Variants in GLT1D1 observed in about 807,000 individuals in gnomAD.
GLT1D1 encodes the protein glycosyltransferase 1 domain-containing protein 1.
GLT1D1 carries 21 observed loss-of-function variants against 28.7 expected under a neutral mutation model. That is an observed-to-expected ratio of 0.73 (90% CI 0.52 to 1.05). GLT1D1 has a LOEUF of 1.05. Among genes scored for constraint, GLT1D1 ranks in the 50% least tolerant of loss-of-function variants. GLT1D1 has a pLI of 0.00. For missense variants in GLT1D1, 343 were observed against 330.6 expected (o/e 1.04, Z -0.29); for synonymous variants, 147 against 124.8 (o/e 1.18, Z -1.19).
At chr12:128,944,515 G>T (rs377392784) in intron 4 of GLT1D1, 2 of 960,480 alleles carry the variant, frequency 2.1e-6, no homozygotes, top group African/African-American at 3.3e-5. Context: ...GCCCACAGTT[G>T]TGGGAGGGTT....
intron 6 of GLT1D1, among the ~76,000 whole-genome samples, chr12:128,956,853 C>G (rs1424319518): frequency 6.6e-6 from 1 of 152,170 alleles, no homozygotes; most frequent in Non-Finnish European, 1.5e-5. Flanking sequence ...TCAGTGGGAT[C>G]CCCTTGAAGT....
chr12:128,892,193 T>G (rs1869137949), intron 3 of GLT1D1, among the ~76,000 whole-genome samples: 2 of 152,216 alleles, frequency 1.3e-5, no homozygotes, highest in African/African-American at 4.8e-5. Context: ...AGGTTTGCCC[T>G]TAGCAGTTCC....
Position 128,881,435 on chromosome 12 carries a change from G to A in GLT1D1, c.217+5373G>A, listed in dbSNP as rs556518996. On this transcript the variant is annotated intron_variant, in intron 2 of 7. Transcript: ENST00000281703. ...TGTAATCCCAGCTACTTGGGAGGCCGAGGCAGGAGAATCTCTTGAACCCAG... is the reference window on the plus strand; with the variant it reads ...TGTAATCCCAGCTACTTGGGAGGCCAAGGCAGGAGAATCTCTTGAACCCAG... Among the ~76,000 whole-genome samples the A allele has an allele frequency of 3.6e-4, 52 of 144,634 alleles. 1 individual carries two copies. The highest frequency in any genetic ancestry group is 3.5e-4 in the Admixed American group (5 of 14,178). The allele number at this position is 144,634 out of a possible 152,430, so 94.9% of individuals were successfully genotyped here. A position where few individuals can be genotyped will look rare whatever the true frequency, so the allele number is the denominator to read the frequency against.
At chr12:128,942,948 C>T (rs369080305) in intron 4 of GLT1D1, among the ~76,000 whole-genome samples, 9 of 151,996 alleles carry the variant, frequency 5.9e-5, no homozygotes, top group African/African-American at 1.7e-4. Flanking sequence ...GGGGTTTCAC[C>T]ATGTTGGCCA....
At position 128,909,212 on chromosome 12, in the gene GLT1D1, TA is replaced by T. The variant is rs201302679; in HGVS notation, c.375+9932del. On this transcript the variant is annotated intron_variant, in intron 4 of 7. Coordinates refer to ENST00000281703, the MANE Select transcript of GLT1D1 (RefSeq NM_144669.3). ...GAAAAATGATTAAAGTACTTCCTAG[TA>T]AAAAAAGAAAAGAAAAGAAAAGAAA... Among the ~76,000 whole-genome samples the T allele has an allele frequency of 6.2e-3, 913 of 146,638 alleles. 11 individuals carry two copies. The highest frequency in any genetic ancestry group is 0.021 in the African/African-American group (861 of 40,300).
At chr12:128,967,546 T>G (rs1018317600) in intron 7 of GLT1D1, among the ~76,000 whole-genome samples, 2 of 152,174 alleles carry the variant, frequency 1.3e-5, no homozygotes, top group Middle Eastern at 6.3e-3. Context: ...CTGCCAATAC[T>G]CAACCGCGTT....
At chr12:128,935,353 C>T (rs1351539125) in intron 4 of GLT1D1, among the ~76,000 whole-genome samples, 1 of 151,982 alleles carries the variant, frequency 6.6e-6, no homozygotes, top group Non-Finnish European at 1.5e-5. Flanking sequence ...ACCAGGCTGG[C>T]CAACATGGTG....
At chr12:128,922,693 C>A (rs1289798112) in intron 4 of GLT1D1, among the ~76,000 whole-genome samples, 1 of 152,016 alleles carries the variant, frequency 6.6e-6, no homozygotes, top group African/African-American at 2.4e-5. Context: ...GAGGATGAAG[C>A]CAGTGGATCA....
chr12:128,857,406 G>C (rs1956248978), intron 1 of GLT1D1, among the ~76,000 whole-genome samples: 1 of 152,180 alleles, frequency 6.6e-6, no homozygotes, highest in Admixed American at 6.5e-5. Context: ...TGCTATTCAG[G>C]CTTTGATGTT....
At chr12:128,862,843 A>C (rs972952211) in intron 1 of GLT1D1, among the ~76,000 whole-genome samples, 2 of 152,230 alleles carry the variant, frequency 1.3e-5, no homozygotes, top group Non-Finnish European at 2.9e-5. Flanking sequence ...CAAGTCTAGC[A>C]TTCTAGCATG....
At chr12:128,976,813 A>G (rs1879806421) in intron 7 of GLT1D1, among the ~76,000 whole-genome samples, 1 of 152,066 alleles carries the variant, frequency 6.6e-6, no homozygotes, top group African/African-American at 2.4e-5. Context: ...TGACATCATC[A>G]TGAGAAGGAT....
At chr12:128,944,343 C>A in intron 4 of GLT1D1, 1 of 791,400 alleles carries the variant, frequency 1.3e-6, no homozygotes, top group Non-Finnish European at 2.2e-6. Flanking sequence ...AGGGCCAAAT[C>A]TTGTTGGTTT....
intron 1 of GLT1D1, among the ~76,000 whole-genome samples, chr12:128,860,258 C>T (rs1956322706): frequency 6.6e-6 from 1 of 152,316 alleles, no homozygotes; most frequent in African/African-American, 2.4e-5. Flanking sequence ...GTCAGGAGTT[C>T]AAGACCAGCC....
At chr12:128,962,048 T>C (rs1878014756) in intron 7 of GLT1D1, among the ~76,000 whole-genome samples, 1 of 149,848 alleles carries the variant, frequency 6.7e-6, no homozygotes, top group South Asian at 2.2e-4. Context: ...CCAGCACTTG[T>C]GTCCTATGGC....
At chr12:128,970,737 CTT>C (rs1333366945) in intron 7 of GLT1D1, among the ~76,000 whole-genome samples, 1 of 152,238 alleles carries the variant, frequency 6.6e-6, no homozygotes, top group Non-Finnish European at 1.5e-5. Flanking sequence ...CTTGGAAGGA[CTT>C]TTCGTGGCCA....
intron 7 of GLT1D1, among the ~76,000 whole-genome samples, chr12:128,973,961 C>G (rs1879518450): frequency 7.3e-6 from 1 of 136,168 alleles, no homozygotes; most frequent in African/African-American, 2.9e-5. Context: ...GGGGGGGGCG[C>G]TTGGTGATCT....
rs1956126819 is a variant in GLT1D1 at position 128,853,640 on chromosome 12, A to G, written c.59A>G (p.Gln20Arg). ...CACACCGGCAACGCGGTCACGGCCC[A>G]GCGCGTTCGGTAGGTGCAGGGCGCC... is the stretch of plus-strand genomic sequence containing the variant. The change falls in exon 1 of 8, where the codon CAG becomes CGG. Residue 20 changes from glutamine (Q) to arginine (R), a missense_variant. Transcript: ENST00000281703. 1 of 1,165,896 alleles carries G rather than the reference A, an allele frequency of 8.6e-7. No homozygotes were observed. Among genetic ancestry groups the G allele is most frequent in the Non-Finnish European group, 1.1e-6 (1 of 936,788 alleles). The allele number at this position is 1,165,896 out of a possible 1,614,324, so 72.2% of individuals were successfully genotyped here. A position where few individuals can be genotyped will look rare whatever the true frequency, so the allele number is the denominator to read the frequency against.
intron 2 of GLT1D1, among the ~76,000 whole-genome samples, chr12:128,879,404 T>TTCTTTCTTTCTTTCTTTCTTTCTTTC: frequency 1.1e-5 from 1 of 93,276 alleles, no homozygotes; most frequent in African/African-American, 4.6e-5. Context: ...CTTTCTTTCT[T>TTCTTTCTTTCTTTCTTTCTTTCTTTC]TCTTTCTTTC....
chr12:128,966,683 C>T (rs185314200), intron 7 of GLT1D1, among the ~76,000 whole-genome samples: 71 of 152,180 alleles, frequency 4.7e-4, no homozygotes, highest in African/African-American at 1.4e-3. Context: ...CACAGGGTCC[C>T]GGGGTGGGGG....
Sources: gnomAD v4.1 joint callset for allele counts (sites outside exome capture counted in the v4.1 genomes callset) on GRCh38, gnomAD v4.1.1 for gene constraint, MANE v1.5 for transcripts, NCBI Gene and HGNC (gene_info 2026-07-23, HGNC 2026-07-21) for gene names.